The following NTSR1 variants were observed in gnomAD, a reference collection of about 807,000 sequenced individuals.
NTSR1 encodes the protein neurotensin receptor 1.
NTSR1 carries 29 observed loss-of-function variants against 31.2 expected under a neutral mutation model. That is an observed-to-expected ratio of 0.93 (90% CI 0.69 to 1.27). The LOEUF is 1.27. Among genes scored for constraint, NTSR1 ranks in the 50% most tolerant of loss-of-function variants. The pLI is 0.00. For missense variants in NTSR1, 697 were observed against 595.4 expected (o/e 1.17, Z -1.78); for synonymous variants, 282 against 269.9 (o/e 1.04, Z -0.44).
rs1989602364 is a variant in NTSR1, at chr20:62,760,505, CAA to C, written c.*239_*240del. ...CCCATCTCCTCTTTGAAAGCCAGAA[CAA>C]GAGAGCGCTCCTCTCCCAGATAGGA... On this transcript the variant is annotated 3_prime_UTR_variant, in exon 4 of 4. Transcript: ENST00000370501. 8.2e-6 allele frequency: 4 copies of C among 484,900 alleles called. No homozygotes were observed. The highest frequency in any genetic ancestry group is 3.5e-5 in the Admixed American group (1 of 28,450). The allele number at this position is 484,900 out of a possible 1,614,324, so 30.0% of individuals were successfully genotyped here. A position where few individuals can be genotyped will look rare whatever the true frequency, so the allele number is the denominator to read the frequency against.
In NTSR1 at chr20:62,732,229, G is replaced by C. The variant is rs1989012675; in HGVS notation, c.714+22308G>C. ...ACAGTATGACGTTAAATAGGAGTGA[G>C]GATAGGGGGCCTCCCTGCCTCCTTC... On this transcript the variant is annotated intron_variant, in intron 1 of 3. Transcript: ENST00000370501. The surrounding 1 kb of genome is among the most constrained non-coding windows in gnomAD (Gnocchi z 4.0). Among the ~76,000 whole-genome samples, 1 of 152,166 alleles carries C rather than the reference G, an allele frequency of 6.6e-6. No homozygotes were observed. Among genetic ancestry groups the C allele is most frequent in the Non-Finnish European group, 1.5e-5 (1 of 68,026 alleles).
At position 62,741,647 on chromosome 20, in the gene NTSR1, C is replaced by T. The variant is rs993733161; in HGVS notation, c.715-13038C>T. 6.7e-6 allele frequency among the ~76,000 whole-genome samples: 1 copy of T among 149,744 alleles called. No individual in the cohort carries two copies. Among genetic ancestry groups the T allele is most frequent in the African/African-American group, 2.5e-5 (1 of 40,188 alleles). ...TCTCTTGAGCCTTTCCCAGAAATTC[C>T]AAACCAGAAGAAAAGTGCAGGGAAC... is the stretch of plus-strand genomic sequence containing the variant. On this transcript the variant is annotated intron_variant, in intron 1 of 3. Coordinates refer to ENST00000370501, the MANE Select transcript of NTSR1 (RefSeq NM_002531.3). This position sits in a 1 kb window ranked among gnomAD's most constrained non-coding sequence, Gnocchi z 4.3.
At position 62,709,275 on chromosome 20, in the gene NTSR1, A is replaced by G. The variant is rs777472268; in HGVS notation, c.68A>G (p.Gln23Arg). ...TPAADPFQRA[Q>R]AGLEEALLAP... ...GCCGCCGACCCCTTCCAGCGGGCGC[A>G]GGCCGGACTGGAGGAGGCGCTGCTG... is the stretch of plus-strand genomic sequence containing the variant. Residue 23 changes from glutamine (Q) to arginine (R), a missense_variant, in exon 1 of 4, where the codon CAG (glutamine) becomes CGG (arginine). Gln to Arg is a conservative substitution (Grantham distance 43). Coordinates refer to ENST00000370501, the MANE Select transcript of NTSR1 (RefSeq NM_002531.3). The G allele has an allele frequency of 1.3e-6, 2 of 1,570,424 alleles. No homozygotes were observed. The highest frequency in any genetic ancestry group is 1.7e-6 in the Non-Finnish European group (2 of 1,163,628).
rs1052966975 is a variant in NTSR1 at position 62,709,070 on chromosome 20, G to A, written c.-138G>A. 4.5e-6 allele frequency: 3 copies of A among 660,010 alleles called. No homozygotes were observed. The Admixed American group carries it at 1.3e-4, about 28-fold the overall frequency. 40.9% of individuals were successfully genotyped at this position (660,010 alleles called of 1,614,324 possible). On this transcript the variant is annotated 5_prime_UTR_variant, in exon 1 of 4. Coordinates refer to ENST00000370501, the MANE Select transcript of NTSR1 (RefSeq NM_002531.3). ...GTCTGGGTCTGGCGCTTCCCGACTG[G>A]ACGGCGCGCCCGCTGGTCTTCGCCA... is the stretch of plus-strand genomic sequence containing the variant.
intron 1 of NTSR1, among the ~76,000 whole-genome samples, chr20:62,751,627 G>A (rs539129512): frequency 1.5e-4 from 23 of 152,378 alleles, no homozygotes; most frequent in African/African-American, 5.3e-4. Context: ...GCAAAGGTTT[G>A]GGGCTGGCCC....
In NTSR1 at chr20:62,742,283, G is replaced by A. The variant is rs1190008264; in HGVS notation, c.715-12402G>A. 2.7e-5 allele frequency among the ~76,000 whole-genome samples: 4 copies of A among 149,178 alleles called. No homozygotes were observed. Among genetic ancestry groups the A allele is most frequent in the Admixed American group, 6.7e-5 (1 of 14,846 alleles). On this transcript the variant is annotated intron_variant, in intron 1 of 3. Transcript: ENST00000370501. This position sits in a 1 kb window ranked among gnomAD's most constrained non-coding sequence, Gnocchi z 7.1. ...CCCTCAGGGACTCAGAAATGCTGGC[G>A]TTCCAGGAGGTGGTGTGTGGGCTCC... is the stretch of plus-strand genomic sequence containing the variant.
Position 62,712,059 on chromosome 20 carries a change from C to G in NTSR1, c.714+2138C>G, listed in dbSNP as rs115340733. ...GCTGATTACAAGGGTGCTCCTCCATCCGATGCTGATGACCTGGGGCTTTCC... is the reference window on the plus strand; with the variant it reads ...GCTGATTACAAGGGTGCTCCTCCATGCGATGCTGATGACCTGGGGCTTTCC... On this transcript the variant is annotated intron_variant, in intron 1 of 3. Coordinates refer to ENST00000370501, the MANE Select transcript of NTSR1 (RefSeq NM_002531.3). Among the ~76,000 whole-genome samples the G allele has an allele frequency of 4.2e-3, 634 of 152,354 alleles. 3 individuals are homozygous for G. The highest frequency in any genetic ancestry group is 0.014 in the African/African-American group (586 of 41,572).
rs1436346795 is a variant in NTSR1, at chr20:62,709,248, C to T, written c.41C>T (p.Pro14Leu). The T allele has an allele frequency of 3.3e-6, 5 of 1,513,234 alleles. No homozygotes were observed. The Admixed American group carries it at 6.5e-5, about 20-fold the overall frequency. The allele number at this position is 1,513,234 out of a possible 1,614,324, so 93.7% of individuals were successfully genotyped here. A position where few individuals can be genotyped will look rare whatever the true frequency, so the allele number is the denominator to read the frequency against. ...TCCGCGCCGGGAACCCCGGGCACGC[C>T]GGCCGCCGACCCCTTCCAGCGGGCG... ...NSSAPGTPGT[P>L]AADPFQRAQA... The change falls in exon 1 of 4, where the codon CCG (proline) becomes CTG (leucine). Residue 14 changes from proline to leucine, a missense_variant. By Grantham distance (98) the Pro-to-Leu change is moderately conservative. Transcript: ENST00000370501.
Position 62,735,776 on chromosome 20 carries a change from T to A in NTSR1, c.715-18909T>A, listed in dbSNP as rs556541390. Among the ~76,000 whole-genome samples, 3 of 152,276 alleles carry A rather than the reference T, an allele frequency of 2.0e-5. No homozygotes were observed. In the South Asian group the frequency reaches 6.2e-4, roughly 32 times the overall value. On this transcript the variant is annotated intron_variant, in intron 1 of 3. Transcript: ENST00000370501. Reference sequence around the variant, plus strand: ...CAGGGAAGTAGGAAAGGGCACACACTGCGACCGGGGACCAGGGACAGGGTC... The same window carrying A: ...CAGGGAAGTAGGAAAGGGCACACACAGCGACCGGGGACCAGGGACAGGGTC...
rs527918777 is a variant in NTSR1, at chr20:62,715,155, G to T, written c.714+5234G>T. ...TTTTCAAAAGGTTAAGGTGCTATATGTTGGAAATAAAGAATTTGGCGTATG... is the reference window on the plus strand; with the variant it reads ...TTTTCAAAAGGTTAAGGTGCTATATTTTGGAAATAAAGAATTTGGCGTATG... On this transcript the variant is annotated intron_variant, in intron 1 of 3. Transcript: ENST00000370501. The surrounding 1 kb of genome is among the most constrained non-coding windows in gnomAD (Gnocchi z 4.7). Among the ~76,000 whole-genome samples, 1 of 152,296 alleles carries T rather than the reference G, an allele frequency of 6.6e-6. No homozygotes were observed. The highest frequency in any genetic ancestry group is 2.1e-4 in the South Asian group (1 of 4,826).
In NTSR1 at chr20:62,743,721, TCTGGGG is replaced by T. The variant is rs1361273995; in HGVS notation, c.715-10960_715-10955del. 6.6e-6 allele frequency among the ~76,000 whole-genome samples: 1 copy of T among 152,172 alleles called. No individual in the cohort carries two copies. Among genetic ancestry groups the T allele is most frequent in the East Asian group, 1.9e-4 (1 of 5,190 alleles). ...GCGGAGCCGGGAAGCAGTGTGCCAG[TCTGGGG>T]CTGTCTCTTGATCTAAACACAATGG... is the stretch of plus-strand genomic sequence containing the variant. On this transcript the variant is annotated intron_variant, in intron 1 of 3. Transcript: ENST00000370501. This position sits in a 1 kb window ranked among gnomAD's most constrained non-coding sequence, Gnocchi z 7.5.
intron 1 of NTSR1, among the ~76,000 whole-genome samples, chr20:62,727,326 G>A (rs948330935): frequency 1.3e-5 from 2 of 152,204 alleles, no homozygotes; most frequent in African/African-American, 4.8e-5. Context: ...GAGCAGCAAG[G>A]GCTGGGTGGA....
chr20:62,713,597 G>A (rs1988658689), intron 1 of NTSR1, among the ~76,000 whole-genome samples: 1 of 152,336 alleles, frequency 6.6e-6, no homozygotes, highest in South Asian at 2.1e-4. Flanking sequence ...AGGATACAGA[G>A]GTGTTTAGAG....
rs373801036 is a variant in NTSR1, at chr20:62,709,656, C to T, written c.449C>T (p.Ala150Val). 1.2e-4 allele frequency: 201 copies of T among 1,612,566 alleles called. No individual in the cohort carries two copies. The highest frequency in any genetic ancestry group is 1.6e-4 in the Non-Finnish European group (186 of 1,179,932). ...CGCGGCTACTACTTCCTGCGCGACGCCTGCACCTACGCCACGGCCCTCAAC... is the reference window on the plus strand; with the variant it reads ...CGCGGCTACTACTTCCTGCGCGACGTCTGCACCTACGCCACGGCCCTCAAC... ...GCRGYYFLRD[A>V]CTYATALNVA... Residue 150 changes from alanine (A) to valine (V), a missense_variant, in exon 1 of 4, where the codon GCC becomes GTC. By Grantham distance (64) the Ala-to-Val change is moderately conservative. Coordinates refer to ENST00000370501, the MANE Select transcript of NTSR1 (RefSeq NM_002531.3).
chr20:62,751,166 G>A (rs996207730), intron 1 of NTSR1, among the ~76,000 whole-genome samples: 6 of 152,100 alleles, frequency 3.9e-5, no homozygotes, highest in Admixed American at 6.6e-5. Context: ...AATGAGCCAC[G>A]GTACCTGGCC....
At position 62,709,502 on chromosome 20, in the gene NTSR1, A is replaced by G. The variant is rs375499484; in HGVS notation, c.295A>G (p.Ser99Gly). The change falls in exon 1 of 4, where the codon AGC (serine) becomes GGC (glycine). Residue 99 changes from serine to glycine, a missense_variant. Transcript: ENST00000370501. ...GAAGAAGTCGCTGCAGAGCCTGCAG[A>G]GCACGGTGCATTACCACCTGGGCAG... ...ARKKSLQSLQ[S>G]TVHYHLGSLA... 130 of 1,612,516 alleles carry G rather than the reference A, an allele frequency of 8.1e-5. No homozygotes were observed. The highest frequency in any genetic ancestry group is 1.1e-4 in the Non-Finnish European group (124 of 1,179,870).
intron 2 of NTSR1, among the ~76,000 whole-genome samples, chr20:62,756,186 TACCACC>T (rs1241561771): frequency 6.6e-6 from 1 of 151,502 alleles, no homozygotes; most frequent in Non-Finnish European, 1.5e-5. Flanking sequence ...AAGAAAAAAA[TACCACC>T]ACCACCACCC....
chr20:62,754,613 G>T, intron 1 of NTSR1, 72 bp from the exon 2 acceptor site: 13 of 1,273,130 alleles, frequency 1.0e-5, no homozygotes, highest in Admixed American at 3.4e-5. Context: ...CAATCAGCAC[G>T]GCAGGCATCC....
Position 62,744,336 on chromosome 20 carries a change from TGAG to T in NTSR1, c.715-10347_715-10345del, listed in dbSNP as rs1989258855. ...TTGGGAGGCCGAGGTGGGCGGGTCATGAGGTCAGGAGATCGAGACCATCCTGGC... is the reference window on the plus strand; with the variant it reads ...TTGGGAGGCCGAGGTGGGCGGGTCATGTCAGGAGATCGAGACCATCCTGGC... On this transcript the variant is annotated intron_variant, in intron 1 of 3. Transcript: ENST00000370501. This position sits in a 1 kb window ranked among gnomAD's most constrained non-coding sequence, Gnocchi z 4.1. Among the ~76,000 whole-genome samples, 1 of 152,036 alleles carries T rather than the reference TGAG, an allele frequency of 6.6e-6. No individual in the cohort carries two copies. Among genetic ancestry groups the T allele is most frequent in the South Asian group, 2.1e-4 (1 of 4,836 alleles).
Sources: gnomAD v4.1 joint callset for allele counts (sites outside exome capture counted in the v4.1 genomes callset) on GRCh38, gnomAD v4.1.1 for gene constraint, Gnocchi (gnomAD v3.1) non-coding constraint, MANE v1.5 for transcripts, NCBI Gene and HGNC (gene_info 2026-07-23, HGNC 2026-07-21) for gene names.